Variants in TRAP1 observed in about 807,000 individuals in gnomAD.
The protein encoded by TRAP1 is TNF receptor associated protein 1.
In TRAP1, 102 loss-of-function variants were observed where a neutral mutation model predicts 89.1. That is an observed-to-expected ratio of 1.15 (90% CI 0.98 to 1.35). TRAP1 has a LOEUF of 1.35. Among genes scored for constraint, TRAP1 ranks in the 40% most tolerant of loss-of-function variants. The probability of loss-of-function intolerance (pLI) is 0.00; values close to 1 mark genes in which losing one functional copy is unlikely to be tolerated. For missense variants in TRAP1, 1,256 were observed against 945.3 expected (o/e 1.33, Z -4.31); for synonymous variants, 508 against 388.0 (o/e 1.31, Z -3.64).
chr16:3,674,417 G>A lies in TRAP1; in HGVS notation c.966C>T (p.His322=), dbSNP rs562153382. ...AGTGCAGGGTGTAGCGGGGCTTGTC[G>A]TGAGCCTGCGCGACGTAGCGGTAGA... The part of the protein sequence containing the change: ...EEFYRYVAQA[H]DKPRYTLHYK... Residue 322 remains histidine, a synonymous_variant, in exon 9 of 18, where the codon CAC becomes CAT. Transcript: ENST00000246957. 63 of 1,614,116 alleles carry A rather than the reference G, an allele frequency of 3.9e-5. No individual in the cohort carries two copies. Among genetic ancestry groups the A allele is most frequent in the Middle Eastern group, 3.3e-4 (2 of 6,062 alleles).
intron 11 of TRAP1, among the ~76,000 whole-genome samples, chr16:3,670,382 C>CAAAAAAAAAA (rs760902038): frequency 0.021 from 469 of 22,828 alleles, 84 homozygotes; most frequent in Middle Eastern, 0.075. Flanking sequence ...GACTCCGTCT[C>CAAAAAAAAAA]AAAAAAAAAA....
chr16:3,662,537 G>T, intron 15 of TRAP1: 2 of 540,808 alleles, frequency 3.7e-6, no homozygotes, highest in Non-Finnish European at 6.9e-6. Context: ...CCCCGACTAA[G>T]CACCCAAGTG....
At chr16:3,709,667 T>TGA (rs1329436672) in intron 1 of TRAP1, among the ~76,000 whole-genome samples, 1 of 152,146 alleles carries the variant, frequency 6.6e-6, no homozygotes, top group East Asian at 1.9e-4. Context: ...TGTGTGTGTG[T>TGA]GAGACGGAGT....
At chr16:3,694,192 G>A (rs1299082398) in intron 1 of TRAP1, among the ~76,000 whole-genome samples, 1 of 152,018 alleles carries the variant, frequency 6.6e-6, no homozygotes, top group South Asian at 2.1e-4. Flanking sequence ...AGTCCTGGCT[G>A]TGTCCAGATT....
At chr16:3,673,743 G>A (rs1337926416) in intron 9 of TRAP1, among the ~76,000 whole-genome samples, 3 of 152,202 alleles carry the variant, frequency 2.0e-5, no homozygotes, top group African/African-American at 7.2e-5. Flanking sequence ...AGAGCCTGGG[G>A]GCAGGACGGG....
At chr16:3,678,962 C>T (rs2051037760) in intron 5 of TRAP1, among the ~76,000 whole-genome samples, 2 of 152,202 alleles carry the variant, frequency 1.3e-5, no homozygotes, top group South Asian at 2.1e-4. Flanking sequence ...CCCTCTCACA[C>T]AGCGCCGTGA....
chr16:3,685,403 C>T (rs1253218140), intron 4 of TRAP1, among the ~76,000 whole-genome samples: 1 of 152,168 alleles, frequency 6.6e-6, no homozygotes, highest in Non-Finnish European at 1.5e-5. Context: ...GCATGACCTT[C>T]AGAGCAAGCC....
Position 3,711,548 on chromosome 16 carries a change from G to A in TRAP1, c.88+5873C>T, listed in dbSNP as rs146512176. On this transcript the variant is annotated intron_variant, in intron 1 of 17. Transcript: ENST00000246957. The stretch of plus-strand genomic sequence containing the variant: ...CGGGAGGTGGAGATTGCAGTGAGCC[G>A]AGTTCGTGCCACTGCACTCCAGCCT... Among the ~76,000 whole-genome samples, 88 of 151,704 alleles carry A rather than the reference G, an allele frequency of 5.8e-4. 1 individual carries two copies. The East Asian group carries it at 5.8e-3, about 10-fold the overall frequency.
intron 11 of TRAP1, among the ~76,000 whole-genome samples, chr16:3,671,452 A>G (rs1362772433): frequency 6.6e-6 from 1 of 152,178 alleles, no homozygotes; most frequent in Non-Finnish European, 1.5e-5. Flanking sequence ...ACCCTGGGGC[A>G]CAGGTGGGCA....
chr16:3,717,034 C>G (rs1265768637), intron 1 of TRAP1, among the ~76,000 whole-genome samples: 2 of 152,256 alleles, frequency 1.3e-5, no homozygotes, highest in African/African-American at 2.4e-5. Context: ...ACGATCACCC[C>G]GAGTGAGTCC....
chr16:3,663,723 C>A (rs2050749678), intron 13 of TRAP1, 161 bp from the exon 14 acceptor site: 3 of 820,056 alleles, frequency 3.7e-6, no homozygotes, highest in East Asian at 2.7e-5. Flanking sequence ...TACTACGACA[C>A]CTGGGTCTAA....
At chr16:3,664,081 CA>C (rs375478230) in intron 13 of TRAP1, 192 bp downstream of exon 13, 18 of 593,242 alleles carry the variant, frequency 3.0e-5, no homozygotes, top group South Asian at 1.1e-4. Flanking sequence ...AAAAAACAAA[CA>C]AAAAAAACCA....
rs533904313 is a variant in TRAP1, at chr16:3,688,335, C to T, written c.330+720G>A. ...TTTTAATTTCCTCAGTAACTCCTCC[C>T]TGCTCCATACACACAGGACTGGGGA... is the stretch of plus-strand genomic sequence containing the variant. On this transcript the variant is annotated intron_variant, in intron 3 of 17. Coordinates refer to ENST00000246957, the MANE Select transcript of TRAP1 (RefSeq NM_016292.3). Among the ~76,000 whole-genome samples, 37 of 152,244 alleles carry T rather than the reference C, an allele frequency of 2.4e-4. 1 individual carries two copies. In the South Asian group the frequency reaches 7.5e-3, roughly 31 times the overall value.
At chr16:3,664,012 G>A (rs965385051) in intron 13 of TRAP1, 4 of 404,392 alleles carry the variant, frequency 9.9e-6, no homozygotes, top group Non-Finnish European at 1.8e-5. Context: ...GCAGTGAGCC[G>A]AGATCGCACC....
chr16:3,658,189 G>A lies in TRAP1; in HGVS notation c.2055C>T (p.Asp685=), dbSNP rs200920861. 1.9e-6 allele frequency: 3 copies of A among 1,614,068 alleles called. No individual in the cohort carries two copies. Among genetic ancestry groups the A allele is most frequent in the Non-Finnish European group, 2.5e-6 (3 of 1,180,004 alleles). Residue 685 remains aspartate (D), a synonymous_variant, in exon 18 of 18, where the codon GAC becomes GAT. Coordinates refer to ENST00000246957, the MANE Select transcript of TRAP1 (RefSeq NM_016292.3). ...NAMIAAGLVD[D]PRAMVGRLNE... is the part of the protein sequence containing the mutation. ...TCAAGCGGCCCACCATGGCCCTAGG[G>A]TCGTCAACAAGTCCAGCAGCAATCA...
intron 9 of TRAP1, 35 bp from the exon 10 acceptor site, chr16:3,672,855 T>G: frequency 1.9e-6 from 3 of 1,594,584 alleles, no homozygotes; most frequent in Non-Finnish European, 2.6e-6. Context: ...CATGCAGCAC[T>G]GACCCTCCCC....
chr16:3,694,658 A>C (rs572495148), intron 1 of TRAP1, among the ~76,000 whole-genome samples: 2 of 152,224 alleles, frequency 1.3e-5, no homozygotes, highest in East Asian at 3.9e-4. Context: ...AAAGAATAAA[A>C]ATAGAGACAA....
intron 11 of TRAP1, 23 bp from the exon 12 acceptor site, chr16:3,666,141 A>G (rs1419243700): frequency 6.2e-7 from 1 of 1,605,388 alleles, no homozygotes; most frequent in South Asian, 1.1e-5. Flanking sequence ...AATGCATTTA[A>G]TACATACAAG....
At chr16:3,685,429 A>T (rs1269556559) in intron 4 of TRAP1, among the ~76,000 whole-genome samples, 1 of 152,026 alleles carries the variant, frequency 6.6e-6, no homozygotes, top group East Asian at 1.9e-4. Flanking sequence ...CCTAAAAGGG[A>T]ATACTCAGAT....
Sources: gnomAD v4.1 joint callset for allele counts (sites outside exome capture counted in the v4.1 genomes callset) on GRCh38, gnomAD v4.1.1 for gene constraint, MANE v1.5 for transcripts, NCBI Gene and HGNC (gene_info 2026-07-23, HGNC 2026-07-21) for gene names.